CLEC16A: variants seen among roughly 807,000 people sequenced by gnomAD.
CLEC16A encodes the protein protein CLEC16A.
In CLEC16A, 51 loss-of-function variants were observed where a neutral mutation model predicts 109.5. The observed-to-expected ratio is 0.47, with a 90% CI of 0.37 to 0.59. The LOEUF (loss-of-function observed/expected upper bound fraction) is 0.59, where lower values mean the gene tolerates loss of function less well. CLEC16A is among the 20% of genes least tolerant of loss of function. CLEC16A has a pLI of 0.00. For synonymous variants in CLEC16A, 673 were observed against 564.2 expected, an observed-to-expected ratio of 1.19 and a Z score of -2.73; for missense variants, 1,339 against 1,394.0, an observed-to-expected ratio of 0.96 and a Z score of 0.63.
At chr16:11,055,574 G>GTTTTTTT (rs2048168747) in intron 18 of CLEC16A, among the ~76,000 whole-genome samples, 1 of 53,368 alleles carries the variant, frequency 1.9e-5, no homozygotes, top group African/African-American at 1.1e-4. Context: ...TTTCCCTCTT[G>GTTTTTTT]CTTTTTTTTT....
chr16:11,134,259 A>C (rs921233203), intron 22 of CLEC16A, among the ~76,000 whole-genome samples: 1 of 149,588 alleles, frequency 6.7e-6, no homozygotes, highest in Non-Finnish European at 1.5e-5. Context: ...AGGCAAAACT[A>C]CGTTGTCGGC....
intron 12 of CLEC16A, 73 bp from the exon 13 acceptor site, chr16:11,024,748 T>A (rs1243966095): frequency 7.7e-6 from 9 of 1,165,744 alleles, no homozygotes; most frequent in East Asian, 5.2e-5. Flanking sequence ...TAGCACCCCA[T>A]GTGCAGGTTA....
intron 22 of CLEC16A, among the ~76,000 whole-genome samples, chr16:11,160,486 G>A (rs370714960): frequency 3.7e-4 from 56 of 152,096 alleles, no homozygotes; most frequent in African/African-American, 1.3e-3. Flanking sequence ...CCTAGGTGGC[G>A]GGTCACCTCC....
chr16:11,148,937 C>G (rs1398187292), intron 22 of CLEC16A, among the ~76,000 whole-genome samples: 3 of 152,102 alleles, frequency 2.0e-5, no homozygotes, highest in African/African-American at 4.8e-5. Context: ...TAGAAGGGCT[C>G]TCATGATTAT....
At chr16:10,975,357 C>T (rs1032526708) in intron 7 of CLEC16A, among the ~76,000 whole-genome samples, 4 of 152,018 alleles carry the variant, frequency 2.6e-5, no homozygotes, top group Non-Finnish European at 4.4e-5. Context: ...GTGGAGGAGG[C>T]GAGTCTGGGC....
chr16:11,038,658 T>C (rs2047156530), intron 13 of CLEC16A, among the ~76,000 whole-genome samples: 1 of 152,208 alleles, frequency 6.6e-6, no homozygotes, highest in Non-Finnish European at 1.5e-5. Flanking sequence ...TGCTGTTAGT[T>C]TTGGCAGGAA....
intron 22 of CLEC16A, among the ~76,000 whole-genome samples, chr16:11,154,082 G>A (rs960926834): frequency 5.9e-5 from 9 of 152,310 alleles, no homozygotes; most frequent in Admixed American, 1.3e-4. Flanking sequence ...GTGTACACAC[G>A]CACACTCCTG....
At chr16:11,154,850 C>A (rs1045099289) in intron 22 of CLEC16A, among the ~76,000 whole-genome samples, 13 of 152,138 alleles carry the variant, frequency 8.5e-5, no homozygotes, top group African/African-American at 3.1e-4. Flanking sequence ...TCACTTGAAC[C>A]TGGGAGTCGG....
At chr16:11,138,640 C>A (rs1040037009) in intron 22 of CLEC16A, among the ~76,000 whole-genome samples, 3 of 152,206 alleles carry the variant, frequency 2.0e-5, no homozygotes, top group Non-Finnish European at 4.4e-5. Flanking sequence ...GCCTTCCTTA[C>A]CTTTCTCTGG....
chr16:11,172,851 T>C (rs970359978), intron 23 of CLEC16A, among the ~76,000 whole-genome samples: 3 of 152,234 alleles, frequency 2.0e-5, no homozygotes, highest in Non-Finnish European at 4.4e-5. Flanking sequence ...ATCATGCCAC[T>C]GTACTCCAGC....
intron 22 of CLEC16A, among the ~76,000 whole-genome samples, chr16:11,149,376 A>G (rs2054202024): frequency 6.6e-6 from 1 of 152,212 alleles, no homozygotes; most frequent in Non-Finnish European, 1.5e-5. Context: ...AGAAGAAATC[A>G]CAATCCTATC....
intron 14 of CLEC16A, 180 bp from the exon 15 acceptor site, chr16:11,042,074 C>G (rs760760248): frequency 1.8e-6 from 1 of 568,410 alleles, no homozygotes; most frequent in Admixed American, 3.1e-5. Flanking sequence ...ACATTGAATT[C>G]TAACTGATGG....
intron 10 of CLEC16A, among the ~76,000 whole-genome samples, chr16:10,992,436 G>A (rs1043558931): frequency 6.6e-6 from 1 of 151,682 alleles, no homozygotes; most frequent in African/African-American, 2.4e-5. Context: ...ATGAGGCGAT[G>A]GATATGCTAA....
chr16:11,117,628 T>C (rs939693106), intron 19 of CLEC16A, among the ~76,000 whole-genome samples: 2 of 152,298 alleles, frequency 1.3e-5, no homozygotes, highest in East Asian at 3.9e-4. Context: ...GGACATAGAA[T>C]AAAAATGAAA....
At chr16:11,112,698 T>C (rs989451692) in intron 19 of CLEC16A, among the ~76,000 whole-genome samples, 2 of 151,948 alleles carry the variant, frequency 1.3e-5, no homozygotes, top group East Asian at 3.9e-4. Flanking sequence ...CACATACATA[T>C]GACATGCAGC....
At chr16:11,061,094 A>G (rs1165976634) in intron 19 of CLEC16A, 72 bp downstream of exon 19, 1 of 1,474,218 alleles carries the variant, frequency 6.8e-7, no homozygotes, top group Non-Finnish European at 9.0e-7. Flanking sequence ...CTGCTGATTC[A>G]CACGCCACTG....
At chr16:11,172,302 ACT>A (rs1224877813) in intron 23 of CLEC16A, among the ~76,000 whole-genome samples, 1 of 152,012 alleles carries the variant, frequency 6.6e-6, no homozygotes, top group Non-Finnish European at 1.5e-5. Context: ...ACACATACAC[ACT>A]CACACATAGA....
chr16:11,016,665 A>G (rs1330019702), intron 11 of CLEC16A, among the ~76,000 whole-genome samples: 7 of 152,110 alleles, frequency 4.6e-5, no homozygotes, highest in Non-Finnish European at 8.8e-5. Flanking sequence ...ATATCTGTGT[A>G]CTGTTTGCTC....
chr16:11,176,364 C>T (rs184592589), intron 23 of CLEC16A, among the ~76,000 whole-genome samples: 5 of 152,298 alleles, frequency 3.3e-5, no homozygotes, highest in Admixed American at 6.5e-5. Flanking sequence ...CCTCCCAGAG[C>T]GAGGACCAAA....
Sources: gnomAD v4.1 joint callset for allele counts (sites outside exome capture counted in the v4.1 genomes callset) on GRCh38, gnomAD v4.1.1 for gene constraint, MANE v1.5 for transcripts, NCBI Gene and HGNC (gene_info 2026-07-23, HGNC 2026-07-21) for gene names.